The following NBAS variants were observed in gnomAD, a reference collection of about 807,000 sequenced individuals.
NBAS encodes NBAS subunit of NRZ tethering complex.
Under a neutral mutation model 302.5 loss-of-function variants are expected in NBAS, and 219 were observed. That is an observed-to-expected ratio of 0.72 (90% CI 0.65 to 0.81). NBAS has a LOEUF of 0.81. Ranked by LOEUF, NBAS falls within the 30% of genes least tolerant of loss-of-function variation. The pLI, the probability that NBAS is intolerant of heterozygous loss-of-function variation, is 0.00. For synonymous variants in NBAS, 1,118 were observed against 1,021.6 expected, an observed-to-expected ratio of 1.09 and a Z score of -1.80; for missense variants, 2,932 against 2,841.6, an observed-to-expected ratio of 1.03 and a Z score of -0.72.
At chr2:15,357,064 CCCA>C (rs1376641820) in intron 32 of NBAS, among the ~76,000 whole-genome samples, 2 of 152,140 alleles carry the variant, frequency 1.3e-5, no homozygotes, top group African/African-American at 4.8e-5. Flanking sequence ...ATCCCTCATC[CCCA>C]CCACCAACCC....
chr2:15,560,246 AAAT>A (rs1255687453), intron 1 of NBAS, among the ~76,000 whole-genome samples: 6 of 152,248 alleles, frequency 3.9e-5, no homozygotes, highest in South Asian at 2.1e-4. Flanking sequence ...TGGATCCAAA[AAAT>A]AATAATAATA....
chr2:15,170,714 T>TA (rs1664257283), intron 51 of NBAS, among the ~76,000 whole-genome samples: 1 of 152,188 alleles, frequency 6.6e-6, no homozygotes, highest in Non-Finnish European at 1.5e-5. Context: ...ACTGCATAGA[T>TA]AATTTTTCTG....
At chr2:14,893,646 T>C in the NBAS span, among the ~76,000 whole-genome samples, 2 of 152,216 alleles carry the variant, frequency 1.3e-5, no homozygotes, top group African/African-American at 4.8e-5. Context: ...TCGGTTCTCT[T>C]GCTGAATAAC....
chr2:15,511,052 G>C (rs1234215767), intron 10 of NBAS, among the ~76,000 whole-genome samples, 160 bp downstream of exon 10: 3 of 152,128 alleles, frequency 2.0e-5, no homozygotes, highest in Non-Finnish European at 2.9e-5. Flanking sequence ...AGTTGAATTT[G>C]TTATTTGAAA....
chr2:15,085,205 G>T, the NBAS span, among the ~76,000 whole-genome samples: 2 of 152,212 alleles, frequency 1.3e-5, no homozygotes, highest in East Asian at 3.9e-4. Flanking sequence ...TCCGGACACA[G>T]AGATGGGGCT....
the NBAS span, among the ~76,000 whole-genome samples, chr2:14,922,182 A>T: frequency 2.0e-5 from 3 of 152,226 alleles, no homozygotes; most frequent in Non-Finnish European, 2.9e-5. Flanking sequence ...AGGTGGAGAG[A>T]GTCCAGGCAG....
At chr2:15,034,278 G>GAAAGAAAGGAAGAAAGAA in the NBAS span, among the ~76,000 whole-genome samples, 2 of 127,392 alleles carry the variant, frequency 1.6e-5, 1 homozygote, top group South Asian at 5.5e-4. Flanking sequence ...GAAAGAAAGA[G>GAAAGAAAGGAAGAAAGAA]AGAAAGAAAG....
intron 38 of NBAS, among the ~76,000 whole-genome samples, chr2:15,323,909 G>GAA (rs35027092): frequency 2.9e-4 from 41 of 141,546 alleles, no homozygotes; most frequent in South Asian, 6.7e-4. Flanking sequence ...CACAGTTTCT[G>GAA]AAAAAAAAAA....
chr2:14,798,047 T>C, the NBAS span, among the ~76,000 whole-genome samples: 2 of 152,220 alleles, frequency 1.3e-5, no homozygotes, highest in Admixed American at 6.5e-5. Flanking sequence ...TGTGAATAAA[T>C]AGGGTTTCCT....
chr2:15,061,271 G>A, the NBAS span, among the ~76,000 whole-genome samples: 1 of 152,222 alleles, frequency 6.6e-6, no homozygotes, highest in Non-Finnish European at 1.5e-5. Context: ...AGCCTGGTAT[G>A]AGGAAAAGAA....
At chr2:15,296,704 T>C (rs1405420858) in intron 40 of NBAS, among the ~76,000 whole-genome samples, 1 of 152,088 alleles carries the variant, frequency 6.6e-6, no homozygotes, top group African/African-American at 2.4e-5. Flanking sequence ...CCTGCCATAA[T>C]GGTGCATGCC....
chr2:15,379,522 G>A, intron 30 of NBAS, 80 bp downstream of exon 30: 1 of 1,370,660 alleles, frequency 7.3e-7, no homozygotes, highest in Non-Finnish European at 1.0e-6. Flanking sequence ...AATATATTTG[G>A]TAAAGAAAAG....
the NBAS span, among the ~76,000 whole-genome samples, chr2:15,125,184 C>T: frequency 0.066 from 10,076 of 152,254 alleles, 831 homozygotes; most frequent in East Asian, 0.24. Flanking sequence ...TCTGTTCTCA[C>T]ACTGCTATAA....
At chr2:14,923,075 C>T in the NBAS span, among the ~76,000 whole-genome samples, 5 of 152,156 alleles carry the variant, frequency 3.3e-5, no homozygotes, top group Admixed American at 3.3e-4. Flanking sequence ...TGGCATGAAC[C>T]CGGGAAGCGG....
chr2:15,172,428 T>C (rs965401119), intron 51 of NBAS, among the ~76,000 whole-genome samples: 5 of 152,228 alleles, frequency 3.3e-5, no homozygotes, highest in Admixed American at 1.3e-4. Flanking sequence ...TAACCTATTG[T>C]TTACAGTTCT....
chr2:14,948,605 T>G, the NBAS span, among the ~76,000 whole-genome samples: 1 of 151,876 alleles, frequency 6.6e-6, no homozygotes. Flanking sequence ...TTAAAAAAAT[T>G]GAAAAGATAT....
At chr2:15,235,618 T>C in intron 45 of NBAS, among the ~76,000 whole-genome samples, 1 of 152,328 alleles carries the variant, frequency 6.6e-6, no homozygotes, top group East Asian at 1.9e-4. Flanking sequence ...TTTTTTCTAG[T>C]GATCATGTTA....
chr2:15,059,976 CAAAAAAAA>C, the NBAS span, among the ~76,000 whole-genome samples: 8 of 64,168 alleles, frequency 1.2e-4, no homozygotes, highest in African/African-American at 5.5e-4. Flanking sequence ...AAAAAAAAAA[CAAAAAAAA>C]AAACACTCCA....
At chr2:15,325,363 T>C (rs923304850) in intron 38 of NBAS, among the ~76,000 whole-genome samples, 2 of 150,020 alleles carry the variant, frequency 1.3e-5, no homozygotes, top group African/African-American at 5.0e-5. Flanking sequence ...TATATCTTAA[T>C]TTAAAAATCC....
Sources: gnomAD v4.1 joint callset for allele counts (sites outside exome capture counted in the v4.1 genomes callset) on GRCh38, gnomAD v4.1.1 for gene constraint, MANE v1.5 for transcripts, NCBI Gene and HGNC (gene_info 2026-07-23, HGNC 2026-07-21) for gene names.